Variants in PGPEP1L observed in about 807,000 individuals in gnomAD.
PGPEP1L encodes the protein pyroglutamyl-peptidase 1-like protein.
A neutral mutation model predicts 6.0 loss-of-function variants in PGPEP1L; 7 were observed. The observed-to-expected ratio is 1.17, with a 90% CI of 0.66 to 2.19. The LOEUF is 2.19. Among genes scored for constraint, PGPEP1L ranks in the 30% most tolerant of loss-of-function variants. The probability of loss-of-function intolerance (pLI) is 0.00; values close to 1 mark genes in which losing one functional copy is unlikely to be tolerated. For synonymous variants in PGPEP1L, 103 were observed against 83.9 expected (o/e 1.23, Z -1.24); for missense variants, 209 against 192.5 (o/e 1.09, Z -0.51).
intron 2 of PGPEP1L, among the ~76,000 whole-genome samples, chr15:98,979,220 C>T (rs1035002060): frequency 6.6e-6 from 1 of 151,892 alleles, no homozygotes; most frequent in Admixed American, 6.6e-5. Flanking sequence ...GATGGAACAT[C>T]GAGCATTACT....
At chr15:98,999,271 C>T (rs557475858) in intron 2 of PGPEP1L, among the ~76,000 whole-genome samples, 1 of 152,152 alleles carries the variant, frequency 6.6e-6, no homozygotes, top group Admixed American at 6.5e-5. Context: ...GATGGGCAAA[C>T]CACATGAAGA....
At chr15:98,979,685 C>T (rs2017629659) in intron 2 of PGPEP1L, among the ~76,000 whole-genome samples, 1 of 131,850 alleles carries the variant, frequency 7.6e-6, no homozygotes, top group Non-Finnish European at 1.6e-5. Flanking sequence ...GAGTCTCACT[C>T]TGTCACCCAG....
chr15:98,982,955 C>G (rs1288710593), intron 2 of PGPEP1L, among the ~76,000 whole-genome samples: 1 of 152,034 alleles, frequency 6.6e-6, no homozygotes, highest in Non-Finnish European at 1.5e-5. Context: ...AAGTGATCCA[C>G]CTGCCTCAGC....
chr15:98,986,553 A>G (rs2017749691), intron 2 of PGPEP1L, among the ~76,000 whole-genome samples: 1 of 152,242 alleles, frequency 6.6e-6, no homozygotes, highest in Non-Finnish European at 1.5e-5. Context: ...ACTGCAATGT[A>G]AGTATAGCAC....
In PGPEP1L at chr15:98,968,575, A is replaced by C; in HGVS notation, c.332T>G (p.Val111Gly). The C allele has an allele frequency of 1.2e-6, 2 of 1,611,432 alleles. No individual in the cohort carries two copies. The highest frequency in any genetic ancestry group is 1.7e-6 in the Non-Finnish European group (2 of 1,178,806). ...PASLLGRALR[V>G]IIQEMLEEVG... ...CTCTTCCAGCATTTCCTGGATGATG[A>C]CTCTCAAGGCTCTTCCCAGCAGGCT... The change falls in exon 5 of 5, where the codon GTC (valine) becomes GGC (glycine). Residue 111 changes from valine to glycine, a missense_variant. Coordinates refer to ENST00000535714, the MANE Select transcript of PGPEP1L (RefSeq NM_001167902.2).
intron 2 of PGPEP1L, among the ~76,000 whole-genome samples, chr15:99,002,765 T>C (rs2017992131): frequency 6.6e-6 from 1 of 152,178 alleles, no homozygotes; most frequent in Non-Finnish European, 1.5e-5. Flanking sequence ...CAAGTGGAAT[T>C]CTCTAACTCA....
chr15:98,978,857 G>C (rs2017612338), intron 2 of PGPEP1L, among the ~76,000 whole-genome samples: 1 of 150,794 alleles, frequency 6.6e-6, no homozygotes, highest in Admixed American at 6.6e-5. Context: ...AGCCTCCCGA[G>C]TAGCTGGGAC....
chr15:99,005,751 G>C (rs1419798122), intron 1 of PGPEP1L, 95 bp from the exon 2 acceptor site: 2 of 152,506 alleles, frequency 1.3e-5, no homozygotes, highest in African/African-American at 4.8e-5. Flanking sequence ...CTGGACATTT[G>C]AGTCTGGGTC....
At chr15:99,003,558 T>C (rs2018004970) in intron 2 of PGPEP1L, among the ~76,000 whole-genome samples, 1 of 152,172 alleles carries the variant, frequency 6.6e-6, no homozygotes, top group Non-Finnish European at 1.5e-5. Flanking sequence ...AAGCAATTTG[T>C]CGGAGCCCTC....
chr15:99,006,848 G>A (rs1302381268), intron 1 of PGPEP1L, among the ~76,000 whole-genome samples: 3 of 151,938 alleles, frequency 2.0e-5, no homozygotes, highest in African/African-American at 4.8e-5. Context: ...TTTTCCTGAA[G>A]CTGTATATTA....
At chr15:98,976,057 C>T (rs573029324) in intron 2 of PGPEP1L, among the ~76,000 whole-genome samples, 4 of 151,786 alleles carry the variant, frequency 2.6e-5, no homozygotes, top group East Asian at 3.9e-4. Context: ...GATTACCAGA[C>T]GTTGGGGGAA....
At chr15:98,974,309 G>T (rs1210812010) in intron 2 of PGPEP1L, among the ~76,000 whole-genome samples, 1 of 152,094 alleles carries the variant, frequency 6.6e-6, no homozygotes, top group African/African-American at 2.4e-5. Context: ...AGCCCAGAAG[G>T]TTGAGACTGC....
chr15:98,990,041 A>C (rs1053812474), intron 2 of PGPEP1L, among the ~76,000 whole-genome samples: 50 of 152,378 alleles, frequency 3.3e-4, no homozygotes, highest in African/African-American at 1.2e-3. Flanking sequence ...CAAATTGTAA[A>C]GACTATTCAT....
At chr15:98,983,765 T>C (rs921000873) in intron 2 of PGPEP1L, among the ~76,000 whole-genome samples, 1 of 152,222 alleles carries the variant, frequency 6.6e-6, no homozygotes, top group Non-Finnish European at 1.5e-5. Flanking sequence ...TGGGAGTTTG[T>C]AGGAACTGCC....
chr15:98,976,329 A>G (rs1362798862), intron 2 of PGPEP1L, among the ~76,000 whole-genome samples: 1 of 152,228 alleles, frequency 6.6e-6, no homozygotes, highest in African/African-American at 2.4e-5. Flanking sequence ...CTGAACGAAG[A>G]CTAAATCCGT....
At chr15:99,001,026 C>T (rs78254217) in intron 2 of PGPEP1L, among the ~76,000 whole-genome samples, 6,612 of 152,150 alleles carry the variant, frequency 0.043, 478 homozygotes, top group African/African-American at 0.15. Context: ...ACTCCAGACA[C>T]GCTGCCTTAA....
intron 2 of PGPEP1L, among the ~76,000 whole-genome samples, chr15:98,983,263 C>T (rs776781200): frequency 1.3e-5 from 2 of 152,066 alleles, no homozygotes; most frequent in Non-Finnish European, 2.9e-5. Context: ...TCCTAAAGCA[C>T]CGTTCAGCTT....
intron 1 of PGPEP1L, among the ~76,000 whole-genome samples, chr15:99,006,316 C>T (rs1156425158): frequency 1.3e-5 from 2 of 152,202 alleles, no homozygotes; most frequent in African/African-American, 4.8e-5. Context: ...CACCACCCTG[C>T]GTTCTACCTG....
In PGPEP1L at chr15:98,970,988, G is replaced by C. The variant is rs753461627; in HGVS notation, c.-19+48C>G. On this transcript the variant is annotated intron_variant, in intron 3 of 4. Coordinates refer to ENST00000535714, the MANE Select transcript of PGPEP1L (RefSeq NM_001167902.2). ...AGGACCCGGGGGTTCAGAGGCTCCA[G>C]CTCCACATCGCCAGTCCCATGCCCC... is the stretch of plus-strand genomic sequence containing the variant. 14 of 1,608,074 alleles carry C rather than the reference G, an allele frequency of 8.7e-6. No individual in the cohort carries two copies. The South Asian group carries it at 1.4e-4, about 17-fold the overall frequency.
Sources: allele counts gnomAD v4.1 joint callset (sites outside exome capture counted in the v4.1 genomes callset), GRCh38; gene constraint gnomAD v4.1.1; transcripts MANE v1.5; gene names NCBI Gene and HGNC (gene_info 2026-07-23, HGNC 2026-07-21).